Variants in MANBAL observed in about 807,000 individuals in gnomAD.
MANBAL encodes mannosidase beta like, also known as protein MANBAL.
MANBAL carries 1 observed loss-of-function variant against 6.4 expected under a neutral mutation model. That is an observed-to-expected ratio of 0.16 (90% CI 0.06 to 0.74). The LOEUF (loss-of-function observed/expected upper bound fraction) is 0.74, where lower values mean the gene tolerates loss of function less well. Ranked by LOEUF, MANBAL falls within the 30% of genes least tolerant of loss-of-function variation. MANBAL has a pLI of 0.78. For synonymous variants in MANBAL, 47 were observed against 45.8 expected (o/e 1.03, Z -0.10); for missense variants, 100 against 107.8 (o/e 0.93, Z 0.32).
chr20:37,292,514 G>C (rs1226958882), intron 1 of MANBAL, among the ~76,000 whole-genome samples: 2 of 152,104 alleles, frequency 1.3e-5, no homozygotes, highest in African/African-American at 4.8e-5. Context: ...TGGCCAGGCT[G>C]GTCTTGAACT....
At chr20:37,302,210 G>A in intron 2 of MANBAL, 1 of 1,549,382 alleles carries the variant, frequency 6.5e-7, no homozygotes, top group South Asian at 1.2e-5. Flanking sequence ...CTACATCCCA[G>A]GAATTGGCTA....
rs549422125 is a variant in MANBAL at position 37,312,135 on chromosome 20, C to T, written c.151-4173C>T. Among the ~76,000 whole-genome samples, 332 of 152,286 alleles carry T rather than the reference C, an allele frequency of 2.2e-3. 2 individuals carry two copies. Among genetic ancestry groups the T allele is most frequent in the Non-Finnish European group, 3.4e-3 (229 of 68,022 alleles). Reference sequence around the variant, plus strand: ...TGGGGTGAGGAGGAGACAGATCAAGCATTCAGATGACTCGATAACTGTAAT... The same window carrying T: ...TGGGGTGAGGAGGAGACAGATCAAGTATTCAGATGACTCGATAACTGTAAT... On this transcript the variant is annotated intron_variant, in intron 2 of 2. Coordinates refer to ENST00000373606, the MANE Select transcript of MANBAL (RefSeq NM_001003897.2).
In MANBAL at chr20:37,299,184, C is replaced by G. The variant is rs1298001498; in HGVS notation, c.-56-2024C>G. 2.6e-5 allele frequency among the ~76,000 whole-genome samples: 4 copies of G among 151,858 alleles called. No individual in the cohort carries two copies. The East Asian group carries it at 7.7e-4, about 29-fold the overall frequency. ...CCTTAAGCTCCTGGGCTCAAGTGAT[C>G]CTCCCACCTCAGCCTCTCGAGTAGC... On this transcript the variant is annotated intron_variant, in intron 1 of 2. Transcript: ENST00000373606.
intron 2 of MANBAL, among the ~76,000 whole-genome samples, chr20:37,309,444 C>T (rs2069331665): frequency 6.6e-6 from 1 of 152,156 alleles, no homozygotes; most frequent in African/African-American, 2.4e-5. Context: ...CCCCAGACCC[C>T]CATGGGATAG....
chr20:37,306,465 C>A (rs2069261551), intron 2 of MANBAL, among the ~76,000 whole-genome samples: 1 of 152,070 alleles, frequency 6.6e-6, no homozygotes, highest in Non-Finnish European at 1.5e-5. Context: ...ATAGTAGGAG[C>A]AAGAGTCAAT....
At chr20:37,292,405 G>T (rs751826469) in intron 1 of MANBAL, among the ~76,000 whole-genome samples, 5 of 152,140 alleles carry the variant, frequency 3.3e-5, no homozygotes, top group Non-Finnish European at 7.4e-5. Context: ...GGGTTTAAGT[G>T]ATTCTCCTGC....
intron 2 of MANBAL, among the ~76,000 whole-genome samples, chr20:37,315,470 C>T (rs2069488840): frequency 6.6e-6 from 1 of 152,220 alleles, no homozygotes; most frequent in African/African-American, 2.4e-5. Flanking sequence ...CAAGCTGTGT[C>T]CCTTCCCTGG....
rs914856980 is a variant in MANBAL at position 37,316,558 on chromosome 20, C to T, written c.*143C>T. 3.1e-5 allele frequency: 19 copies of T among 606,618 alleles called. No homozygotes were observed. The highest frequency in any genetic ancestry group is 9.5e-5 in the Admixed American group (3 of 31,418). The allele number at this position is 606,618 out of a possible 1,614,324, so 37.6% of individuals were successfully genotyped here. On this transcript the variant is annotated 3_prime_UTR_variant, in exon 3 of 3. Coordinates refer to ENST00000373606, the MANE Select transcript of MANBAL (RefSeq NM_001003897.2). ...CTATGACCGCAGAGATCTAGACAGT[C>T]GTAACAGTCCCCAGGCTCCAGCTGG... is the stretch of plus-strand genomic sequence containing the variant.
chr20:37,309,958 C>T (rs1046794405), intron 2 of MANBAL, among the ~76,000 whole-genome samples: 8 of 152,078 alleles, frequency 5.3e-5, no homozygotes, highest in South Asian at 2.1e-4. Flanking sequence ...CTTAATGACC[C>T]GTTCTGGAGA....
At chr20:37,316,200 A>G (rs2069510157) in intron 2 of MANBAL, 108 bp from the exon 3 acceptor site, 1 of 1,010,214 alleles carries the variant, frequency 9.9e-7, no homozygotes, top group Non-Finnish European at 1.5e-6. Flanking sequence ...GACAGTTTCC[A>G]TCTCTTGTGT....
chr20:37,309,496 C>T (rs12481709), intron 2 of MANBAL, among the ~76,000 whole-genome samples: 2,273 of 152,298 alleles, frequency 0.015, 25 homozygotes, highest in Non-Finnish European at 0.023. Flanking sequence ...GCTGGGAAGA[C>T]AGACAGCCGG....
At chr20:37,314,440 A>G (rs536852555) in intron 2 of MANBAL, among the ~76,000 whole-genome samples, 1 of 152,138 alleles carries the variant, frequency 6.6e-6, no homozygotes, top group Non-Finnish European at 1.5e-5. Context: ...ACTGGGTCTC[A>G]CTGTCCCTGT....
At position 37,301,332 on chromosome 20, in the gene MANBAL, G is replaced by A; in HGVS notation, c.69G>A (p.Arg23=). 14 of 1,613,900 alleles carry A rather than the reference G, an allele frequency of 8.7e-6. No individual in the cohort carries two copies. Among genetic ancestry groups the A allele is most frequent in the Non-Finnish European group, 1.2e-5 (14 of 1,179,874 alleles). Residue 23 remains arginine (R), a synonymous_variant, in exon 2 of 3, where the codon CGG becomes CGA. Transcript: ENST00000373606. The part of the protein sequence containing the change: ...PEPTFLENLL[R]YGLFLGAIFQ... ...CCACTTTCCTGGAGAACCTGCTACG[G>A]TACGGACTCTTCCTGGGAGCCATCT...
At chr20:37,302,168 G>A (rs1486748402) in intron 2 of MANBAL, 1 of 1,463,826 alleles carries the variant, frequency 6.8e-7, no homozygotes, top group East Asian at 2.5e-5. Flanking sequence ...TTGATTTATT[G>A]GAGAAAGCAG....
chr20:37,307,558 A>C (rs1206815675), intron 2 of MANBAL, among the ~76,000 whole-genome samples: 1 of 151,876 alleles, frequency 6.6e-6, no homozygotes, highest in Non-Finnish European at 1.5e-5. Flanking sequence ...GGAGTTCAAG[A>C]CCAGCCTGGC....
intron 2 of MANBAL, among the ~76,000 whole-genome samples, chr20:37,311,341 G>A (rs562646489): frequency 6.6e-6 from 1 of 152,334 alleles, no homozygotes; most frequent in East Asian, 1.9e-4. Context: ...GGAGACAGGG[G>A]CCAAGACCGA....
Position 37,311,145 on chromosome 20 carries a change from C to T in MANBAL, c.151-5163C>T, listed in dbSNP as rs558179758. 3.3e-4 allele frequency among the ~76,000 whole-genome samples: 51 copies of T among 152,294 alleles called. 1 individual carries two copies. Among genetic ancestry groups the T allele is most frequent in the Admixed American group, 8.5e-4 (13 of 15,306 alleles). On this transcript the variant is annotated intron_variant, in intron 2 of 2. Coordinates refer to ENST00000373606, the MANE Select transcript of MANBAL (RefSeq NM_001003897.2). ...GGCTCACCAGGGCGATGGAGAGGCT[C>T]GGTGAGCATCCACATGGCACACAGC... is the stretch of plus-strand genomic sequence containing the variant.
intron 2 of MANBAL, among the ~76,000 whole-genome samples, chr20:37,304,601 A>G (rs772084225): frequency 1.3e-5 from 2 of 152,184 alleles, no homozygotes; most frequent in African/African-American, 2.4e-5. Flanking sequence ...AACATACGCA[A>G]TATGTTCTGG....
At chr20:37,303,790 C>T (rs1406406880) in intron 2 of MANBAL, among the ~76,000 whole-genome samples, 3 of 152,232 alleles carry the variant, frequency 2.0e-5, no homozygotes, top group African/African-American at 7.2e-5. Flanking sequence ...GTTAGAGACT[C>T]AGTGCCCACA....
Sources: allele counts gnomAD v4.1 joint callset (sites outside exome capture counted in the v4.1 genomes callset), GRCh38; gene constraint gnomAD v4.1.1; transcripts MANE v1.5; gene names NCBI Gene and HGNC (gene_info 2026-07-23, HGNC 2026-07-21).